Variants in ABCA6 observed in about 807,000 individuals in gnomAD.
ABCA6 encodes the protein ATP-binding cassette sub-family A member 6.
Under a neutral mutation model 191.2 loss-of-function variants are expected in ABCA6, and 164 were observed. The ratio of observed to expected loss-of-function variants is 0.86; its 90% CI spans 0.76 to 0.98. The LOEUF (loss-of-function observed/expected upper bound fraction) is 0.98, where lower values mean the gene tolerates loss of function less well. ABCA6 is among the 50% of genes least tolerant of loss of function. The pLI is 0.00. For synonymous variants in ABCA6, 636 were observed against 647.7 expected, an observed-to-expected ratio of 0.98 and a Z score of 0.27; for missense variants, 1,958 against 1,894.1, an observed-to-expected ratio of 1.03 and a Z score of -0.63.
In ABCA6 at chr17:69,123,235, T is replaced by A; in HGVS notation, c.1436+4A>T. Reference sequence around the variant, plus strand: ...GCATTAGTATTACTTATAAGTGTGATTACCTGATGGCTTCTTTTCCTTGGA... The same window carrying A: ...GCATTAGTATTACTTATAAGTGTGAATACCTGATGGCTTCTTTTCCTTGGA... On this transcript the variant is annotated splice_donor_region_variant and intron_variant, in intron 10 of 38. Transcript: ENST00000284425. The A allele has an allele frequency of 6.9e-7, 1 of 1,456,090 alleles. No individual in the cohort carries two copies. Among genetic ancestry groups the A allele is most frequent in the Non-Finnish European group, 9.2e-7 (1 of 1,090,214 alleles). 90.2% of individuals were successfully genotyped at this position (1,456,090 alleles called of 1,614,324 possible). A position where few individuals can be genotyped will look rare whatever the true frequency, so the allele number is the denominator to read the frequency against.
intron 17 of ABCA6, 173 bp from the exon 18 acceptor site, chr17:69,107,985 G>A (rs2073341774): frequency 1.9e-6 from 1 of 532,838 alleles, no homozygotes; most frequent in Non-Finnish European, 3.3e-6. Context: ...TCTCTGAAAT[G>A]ACTAAGGAAG....
chr17:69,089,175 T>A (rs2072871548), intron 27 of ABCA6, among the ~76,000 whole-genome samples: 1 of 152,200 alleles, frequency 6.6e-6, no homozygotes, highest in South Asian at 2.1e-4. Context: ...TCAAAGGAAG[T>A]AAGTTATATT....
chr17:69,106,226 A>C lies in ABCA6; in HGVS notation c.2390-15T>G, dbSNP rs762045004. ...TTGTTCGAAATCTATAAACACACAC[A>C]TACACAAACACACATATTATAATAT... On this transcript the variant is annotated splice_polypyrimidine_tract_variant and intron_variant, in intron 18 of 38. Coordinates refer to ENST00000284425, the MANE Select transcript of ABCA6 (RefSeq NM_080284.3). 6 of 1,602,720 alleles carry C rather than the reference A, an allele frequency of 3.7e-6. No homozygotes were observed. Among genetic ancestry groups the C allele is most frequent in the Non-Finnish European group, 5.1e-6 (6 of 1,174,942 alleles).
intron 11 of ABCA6, among the ~76,000 whole-genome samples, chr17:69,116,175 C>T (rs970160127): frequency 5.1e-4 from 78 of 152,086 alleles, no homozygotes; most frequent in African/African-American, 1.7e-3. Context: ...ACGGTGTTTT[C>T]CAGGGTAAGA....
chr17:69,085,040 A>G lies in ABCA6; in HGVS notation c.4172T>C (p.Leu1391Pro). The change falls in exon 32 of 39, where the codon CTC becomes CCC. Residue 1391 changes from leucine to proline, a missense_variant. Coordinates refer to ENST00000284425, the MANE Select transcript of ABCA6 (RefSeq NM_080284.3). ...GTCCCGTCTGTACCTTGCGATGGCG[A>G]GCCTCGCGTCCGCTTTCCTGAGCCC... The part of the protein sequence containing the change: ...VKGLRKADAR[L>P]AIARLVSAFK... 6.2e-7 allele frequency: 1 copy of G among 1,609,850 alleles called. No homozygotes were observed. The highest frequency in any genetic ancestry group is 8.5e-7 in the Non-Finnish European group (1 of 1,178,944).
chr17:69,113,167 G>A (rs1323375935), intron 15 of ABCA6, 55 bp downstream of exon 15: 8 of 1,558,474 alleles, frequency 5.1e-6, no homozygotes, highest in South Asian at 1.2e-5. Flanking sequence ...AATAGACCTC[G>A]CTTCTAAATT....
At chr17:69,118,028 G>C in intron 10 of ABCA6, 72 bp from the exon 11 acceptor site, 2 of 1,070,970 alleles carry the variant, frequency 1.9e-6, no homozygotes, top group Non-Finnish European at 2.8e-6. Flanking sequence ...TATAGCCCTA[G>C]TCATAGTGAT....
chr17:69,097,212 G>GA (rs2073069256), intron 23 of ABCA6, among the ~76,000 whole-genome samples: 1 of 152,154 alleles, frequency 6.6e-6, no homozygotes, highest in Non-Finnish European at 1.5e-5. Flanking sequence ...CTAACATGGT[G>GA]AAAGCCCATT....
chr17:69,106,396 C>T (rs2073305145), intron 18 of ABCA6, among the ~76,000 whole-genome samples, 185 bp from the exon 19 acceptor site: 2 of 151,874 alleles, frequency 1.3e-5, no homozygotes, highest in Admixed American at 6.6e-5. Context: ...ATTTCAAGAC[C>T]AACCTGGCCA....
At chr17:69,116,815 G>A (rs546661669) in intron 11 of ABCA6, among the ~76,000 whole-genome samples, 1 of 152,186 alleles carries the variant, frequency 6.6e-6, no homozygotes, top group Non-Finnish European at 1.5e-5. Flanking sequence ...ATTTCCCAAA[G>A]AGCAGCTATA....
At chr17:69,116,489 T>G (rs1850940340) in intron 11 of ABCA6, among the ~76,000 whole-genome samples, 1 of 152,120 alleles carries the variant, frequency 6.6e-6, no homozygotes, top group African/African-American at 2.4e-5. Context: ...ATCTTGAAAG[T>G]ATGCTTCCTT....
rs376738109 is a variant in ABCA6, at chr17:69,138,775, C to A, written c.97-1275G>T. Among the ~76,000 whole-genome samples the A allele has an allele frequency of 1.4e-3, 201 of 148,602 alleles. 8 individuals carry two copies. The East Asian group carries it at 0.037, about 27-fold the overall frequency. On this transcript the variant is annotated intron_variant, in intron 2 of 38. Transcript: ENST00000284425. ...ATAGATCAATGGAACAGAACAGAGC[C>A]CTCAGAAATAACGCCGCATATCTAC...
At chr17:69,105,395 CA>C in intron 20 of ABCA6, 66 bp downstream of exon 20, 3 of 1,420,686 alleles carry the variant, frequency 2.1e-6, no homozygotes, top group Non-Finnish European at 2.9e-6. Flanking sequence ...TTCCCCCCCC[CA>C]CCTCCTGTGC....
At position 69,085,640 on chromosome 17, in the gene ABCA6, C is replaced by A. The variant is rs1257226694; in HGVS notation, c.4014G>T (p.Lys1338Asn). 1 of 1,611,156 alleles carries A rather than the reference C, an allele frequency of 6.2e-7. No individual in the cohort carries two copies. Among genetic ancestry groups the A allele is most frequent in the African/African-American group, 1.3e-5 (1 of 74,760 alleles). ...TCCTCACTACCTCTCCAGCAGTTGG[C>A]TTTGTGATCCCAGATATCATTCTAA... Reference protein sequence around the residue: ...SSIRMISGITKPTAGEVELKG... With the variant: ...SSIRMISGITNPTAGEVELKG... Residue 1338 changes from lysine to asparagine, a missense_variant, in exon 31 of 39, where the codon AAG becomes AAT. By Grantham distance (94) the Lys-to-Asn change is moderately conservative (BLOSUM62 0). Transcript: ENST00000284425.
chr17:69,096,426 T>C (rs1423968515), intron 24 of ABCA6, 73 bp from the exon 25 acceptor site: 4 of 954,138 alleles, frequency 4.2e-6, no homozygotes, highest in African/African-American at 1.7e-5. Flanking sequence ...TTACAACTTT[T>C]AAAAAACAAG....
rs748314072 is a variant in ABCA6, at chr17:69,083,018, G to A, written c.4476-5C>T. ...TGTTGGATGGAGCCAATGCATCTAT[G>A]GGCAAGAAAGAGAATATGTTGGAAA... On this transcript the variant is annotated splice_polypyrimidine_tract_variant and splice_region_variant and intron_variant, in intron 35 of 38. Transcript: ENST00000284425. 10 of 1,612,472 alleles carry A rather than the reference G, an allele frequency of 6.2e-6. No homozygotes were observed. The highest frequency in any genetic ancestry group is 8.5e-7 in the Non-Finnish European group (1 of 1,179,604).
At chr17:69,112,106 C>T (rs931342943) in intron 16 of ABCA6, 77 bp downstream of exon 16, 2 of 1,088,794 alleles carry the variant, frequency 1.8e-6, no homozygotes, top group African/African-American at 1.6e-5. Flanking sequence ...GAGGCCAGTT[C>T]TGTTTCATAA....
At chr17:69,112,318 C>A in intron 15 of ABCA6, 45 bp from the exon 16 acceptor site, 1 of 1,471,434 alleles carries the variant, frequency 6.8e-7, no homozygotes, top group Middle Eastern at 1.7e-4. Flanking sequence ...GGGGTCATTT[C>A]TTCTTTCTCT....
At position 69,087,345 on chromosome 17, in the gene ABCA6, T is replaced by A. The variant is rs753089110; in HGVS notation, c.3819+8A>T. ...CATTAATATCCATTTTGCCCCTTGC[T>A]TTTTTACCTCATCTAAGATTGAAGT... On this transcript the variant is annotated splice_region_variant and intron_variant, in intron 29 of 38. Coordinates refer to ENST00000284425, the MANE Select transcript of ABCA6 (RefSeq NM_080284.3). 1.2e-6 allele frequency: 2 copies of A among 1,611,584 alleles called. No individual in the cohort carries two copies. The highest frequency in any genetic ancestry group is 3.4e-5 in the Admixed American group (2 of 59,502).
Sources: allele counts gnomAD v4.1 joint callset (sites outside exome capture counted in the v4.1 genomes callset), GRCh38; gene constraint gnomAD v4.1.1; transcripts MANE v1.5; gene names NCBI Gene and HGNC (gene_info 2026-07-23, HGNC 2026-07-21).